HDAC4: variants seen among roughly 807,000 people sequenced by gnomAD.
HDAC4 encodes the protein histone deacetylase 4, also known as histone deacetylase A.
In HDAC4, 16 loss-of-function variants were observed where a neutral mutation model predicts 135.1. The observed-to-expected ratio is 0.12, with a 90% CI of 0.08 to 0.18. HDAC4 has a LOEUF of 0.18. Among genes scored for constraint, HDAC4 ranks in the 10% least tolerant of loss-of-function variants. The pLI is 1.00. For missense variants in HDAC4, 1,143 were observed against 1,511.8 expected (o/e 0.76, Z 4.05); for synonymous variants, 685 against 653.4 (o/e 1.05, Z -0.74).
At chr2:239,074,340 C>A (rs935775204) in intron 22 of HDAC4, among the ~76,000 whole-genome samples, 2 of 152,250 alleles carry the variant, frequency 1.3e-5, no homozygotes, top group African/African-American at 4.8e-5. Context: ...GCAGCGAGCG[C>A]ACGTGGAGGC....
At chr2:239,241,692 T>G (rs545509327) in intron 2 of HDAC4, among the ~76,000 whole-genome samples, 5 of 152,304 alleles carry the variant, frequency 3.3e-5, no homozygotes, top group Admixed American at 3.3e-4. Context: ...AGTGTTCCCT[T>G]TTATATGTAA....
intron 16 of HDAC4, 120 bp downstream of exon 16, chr2:239,102,656 T>C: frequency 8.6e-7 from 1 of 1,159,632 alleles, no homozygotes; most frequent in South Asian, 1.3e-5. Flanking sequence ...TCAGGCCCTT[T>C]ACCTTATAAC....
intron 2 of HDAC4, among the ~76,000 whole-genome samples, chr2:239,244,970 G>T (rs1393860974): frequency 1.3e-5 from 2 of 152,120 alleles, no homozygotes; most frequent in Non-Finnish European, 2.9e-5. Flanking sequence ...CACTGCGCAG[G>T]TTACTGAAAA....
At chr2:239,126,873 G>A (rs749236913) in intron 11 of HDAC4, among the ~76,000 whole-genome samples, 179 bp from the exon 12 acceptor site, 8 of 152,242 alleles carry the variant, frequency 5.3e-5, no homozygotes, top group Non-Finnish European at 1.2e-4. Flanking sequence ...GCTGGGGGCC[G>A]TGAGCTGGTG....
At chr2:239,129,654 C>T (rs1280927372) in intron 11 of HDAC4, among the ~76,000 whole-genome samples, 3 of 152,216 alleles carry the variant, frequency 2.0e-5, no homozygotes, top group Admixed American at 6.5e-5. Context: ...CGGCTGTGTC[C>T]CTATGGCTGC....
rs1226204568 is a variant in HDAC4, at chr2:239,400,741, C to T, written c.-220+237G>A. ...CTAGCCCTGCTCCGGCGCTCCGCGC[C>T]GCATCTCCTCAGCCTGCGCCGCCAC... On this transcript the variant is annotated intron_variant, in intron 1 of 26. Transcript: ENST00000543185. This position sits in a 1 kb window ranked among gnomAD's most constrained non-coding sequence, Gnocchi z 4.7. 1.4e-5 allele frequency: 2 copies of T among 145,734 alleles called. No individual in the cohort carries two copies. Among genetic ancestry groups the T allele is most frequent in the East Asian group, 4.0e-4 (2 of 4,958 alleles). The allele number at this position is 145,734 out of a possible 1,614,324, so 9.0% of individuals were successfully genotyped here. A position where few individuals can be genotyped will look rare whatever the true frequency, so the allele number is the denominator to read the frequency against.
In HDAC4 at chr2:239,050,346, G is replaced by A. The variant is rs573675363; in HGVS notation, c.*2751C>T. ...TGCATTCCTCCCCATAAGCCACGGC[G>A]GGGTAAGAGGGCAGGTGGCAGGATC... On this transcript the variant is annotated 3_prime_UTR_variant, in exon 27 of 27. Transcript: ENST00000543185. 7.2e-5 allele frequency: 11 copies of A among 152,326 alleles called. No individual in the cohort carries two copies. Among genetic ancestry groups the A allele is most frequent in the South Asian group, 4.1e-4 (2 of 4,830 alleles). The allele number at this position is 152,326 out of a possible 1,614,324, so 9.4% of individuals were successfully genotyped here.
chr2:239,108,427 C>T (rs760954225), intron 14 of HDAC4, among the ~76,000 whole-genome samples: 204 of 152,276 alleles, frequency 1.3e-3, no homozygotes, highest in Non-Finnish European at 2.1e-3. Flanking sequence ...CTCACAGTAA[C>T]GCCCCAGGAC....
intron 16 of HDAC4, 95 bp downstream of exon 16, chr2:239,102,681 C>A (rs745565355): frequency 4.5e-5 from 66 of 1,458,984 alleles, no homozygotes; most frequent in South Asian, 3.3e-4. Context: ...CAGGCGACAC[C>A]CACAGGTGCC....
At chr2:239,242,738 T>C (rs2048259697) in intron 2 of HDAC4, among the ~76,000 whole-genome samples, 2 of 152,232 alleles carry the variant, frequency 1.3e-5, no homozygotes, top group South Asian at 4.1e-4. Flanking sequence ...TTTCAATGTT[T>C]TACTGGAAAG....
intron 1 of HDAC4, among the ~76,000 whole-genome samples, chr2:239,381,732 C>T (rs1463558047): frequency 2.0e-5 from 3 of 152,212 alleles, no homozygotes; most frequent in Non-Finnish European, 2.9e-5. Context: ...GTCCCATGTG[C>T]TGTAGAATGT....
At chr2:239,080,471 G>A (rs2035203371) in intron 22 of HDAC4, among the ~76,000 whole-genome samples, 1 of 152,208 alleles carries the variant, frequency 6.6e-6, no homozygotes, top group Non-Finnish European at 1.5e-5. Context: ...ATTTTAAAAC[G>A]ATGACAAGAA....
chr2:239,351,080 G>C (rs2125917367), intron 2 of HDAC4, among the ~76,000 whole-genome samples: 1 of 152,362 alleles, frequency 6.6e-6, no homozygotes, highest in African/African-American at 2.4e-5. Context: ...CTGGAATTAG[G>C]AAGATCAGTT....
chr2:239,380,463 T>C (rs1176801583), intron 1 of HDAC4, among the ~76,000 whole-genome samples: 3 of 152,204 alleles, frequency 2.0e-5, no homozygotes, highest in African/African-American at 4.8e-5. Flanking sequence ...TTTCTCTCTA[T>C]AGTTAGCAAA....
chr2:239,218,678 GGCAACCTACAAAATGGGAGAAAATTTTC>G (rs2046779495), intron 3 of HDAC4, among the ~76,000 whole-genome samples: 1 of 146,490 alleles, frequency 6.8e-6, no homozygotes, highest in Non-Finnish European at 1.5e-5. Context: ...AGAGTGAACA[GGCAACCTACAAAATGGGAGAAAATTTTC>G]GCAACCTACT....
At chr2:239,231,574 C>T (rs2047559986) in intron 3 of HDAC4, among the ~76,000 whole-genome samples, 1 of 152,266 alleles carries the variant, frequency 6.6e-6, no homozygotes, top group Non-Finnish European at 1.5e-5. Flanking sequence ...TCCACACTTC[C>T]TGTTGCTACT....
intron 5 of HDAC4, among the ~76,000 whole-genome samples, chr2:239,165,405 C>T (rs1475738271): frequency 2.0e-5 from 3 of 152,158 alleles, no homozygotes; most frequent in African/African-American, 7.2e-5. Context: ...CCGATTTCCT[C>T]TCTTGCAAGA....
intron 2 of HDAC4, among the ~76,000 whole-genome samples, chr2:239,246,912 A>T (rs1360492319): frequency 6.6e-6 from 1 of 152,242 alleles, no homozygotes; most frequent in Non-Finnish European, 1.5e-5. Flanking sequence ...TGTGCTGTAC[A>T]GCGCTGGGAG....
intron 2 of HDAC4, among the ~76,000 whole-genome samples, chr2:239,252,224 C>G (rs2048820540): frequency 6.6e-6 from 1 of 152,176 alleles, no homozygotes; most frequent in South Asian, 2.1e-4. Flanking sequence ...GGATCCACTC[C>G]CAGGAGCCTG....
Sources: allele counts gnomAD v4.1 joint callset (sites outside exome capture counted in the v4.1 genomes callset), GRCh38; gene constraint gnomAD v4.1.1; non-coding constraint Gnocchi (gnomAD v3.1); transcripts MANE v1.5; gene names NCBI Gene and HGNC (gene_info 2026-07-23, HGNC 2026-07-21).